The following LRTM3 variants were observed in gnomAD, a reference collection of about 807,000 sequenced individuals.
LRTM3 encodes leucine-rich repeat transmembrane protein 3.
At chr13:102,744,926 C>T in the LRTM3 span, 18 of 1,550,614 alleles carry the variant, frequency 1.2e-5, no homozygotes, top group Non-Finnish European at 1.6e-5. Context: ...CATACATTTC[C>T]TATCAGTTGG....
At chr13:102,742,260 CT>C in the LRTM3 span, 1 of 1,550,448 alleles carries the variant, frequency 6.4e-7, no homozygotes, top group Non-Finnish European at 8.7e-7. Context: ...AGCTGGGAAA[CT>C]GTTATTCTTT....
At chr13:102,733,745 T>C in the LRTM3 span, 8 of 1,551,284 alleles carry the variant, frequency 5.2e-6, no homozygotes, top group East Asian at 2.0e-4. Flanking sequence ...TAAAACTAAC[T>C]GATTCAAATC....
At chr13:102,746,156 A>G in the LRTM3 span, 1 of 1,551,162 alleles carries the variant, frequency 6.4e-7, no homozygotes, top group Non-Finnish European at 8.7e-7. Context: ...TTGGTGCTGC[A>G]AACGTTGTCC....
At chr13:102,750,070 T>C in the LRTM3 span, 1 of 1,550,512 alleles carries the variant, frequency 6.4e-7, no homozygotes, top group Non-Finnish European at 8.7e-7. Context: ...AAGAAAATCC[T>C]GAATTTTTGT....
the LRTM3 span, chr13:102,736,172 G>A: frequency 6.5e-7 from 1 of 1,546,716 alleles, no homozygotes; most frequent in Non-Finnish European, 8.7e-7. Context: ...CTTTGGTTGT[G>A]AAGGAGAGAA....
At chr13:102,730,548 G>T in the LRTM3 span, 1 of 1,551,768 alleles carries the variant, frequency 6.4e-7, no homozygotes, top group Non-Finnish European at 8.7e-7. Context: ...GACTCTGAAA[G>T]AACTTGAGTA....
the LRTM3 span, chr13:102,745,555 C>T: frequency 6.4e-7 from 1 of 1,551,000 alleles, no homozygotes; most frequent in Non-Finnish European, 8.7e-7. Context: ...AAATTGATGG[C>T]TTCTTTGCCT....
chr13:102,755,013 T>A, the LRTM3 span, among the ~76,000 whole-genome samples: 1 of 152,162 alleles, frequency 6.6e-6, no homozygotes, highest in Non-Finnish European at 1.5e-5. Context: ...CAAGCATGCA[T>A]CTATGGGTAA....
the LRTM3 span, chr13:102,747,676 C>A: frequency 6.4e-7 from 1 of 1,551,158 alleles, no homozygotes; most frequent in South Asian, 1.2e-5. Context: ...AGTTCTCTGG[C>A]ATTGTAAGTG....
the LRTM3 span, chr13:102,741,693 T>C: frequency 6.4e-7 from 1 of 1,550,444 alleles, no homozygotes; most frequent in Non-Finnish European, 8.7e-7. Flanking sequence ...AAAAATATAT[T>C]CTGTCCTTTT....
At chr13:102,738,377 T>G in the LRTM3 span, 3 of 1,550,986 alleles carry the variant, frequency 1.9e-6, no homozygotes, top group East Asian at 7.3e-5. Flanking sequence ...AGTGACATAC[T>G]CTGCTTTTTC....
chr13:102,734,716 T>C, the LRTM3 span: 2 of 1,551,258 alleles, frequency 1.3e-6, no homozygotes, highest in Non-Finnish European at 8.7e-7. Flanking sequence ...TTTTAAGTCT[T>C]AGCATTTCAT....
chr13:102,741,102 T>C, the LRTM3 span: 2 of 1,549,974 alleles, frequency 1.3e-6, no homozygotes, highest in Non-Finnish European at 1.7e-6. Context: ...TGATGCAATA[T>C]GCAAGGGAGA....
At chr13:102,749,130 T>C in the LRTM3 span, 2,036 of 1,550,332 alleles carry the variant, frequency 1.3e-3, 2 homozygotes, top group Middle Eastern at 9.5e-3. Context: ...TCAGTGTTAT[T>C]CTTGCATCCT....
At chr13:102,741,206 T>C in the LRTM3 span, 3 of 1,550,056 alleles carry the variant, frequency 1.9e-6, no homozygotes, top group South Asian at 3.6e-5. Context: ...TCTATTTGAT[T>C]TTAATGTAAT....
chr13:102,740,987 G>A, the LRTM3 span: 2,696 of 1,550,014 alleles, frequency 1.7e-3, 35 homozygotes, highest in African/African-American at 0.031. Flanking sequence ...TTGATCCACC[G>A]GAATACCTAC....
chr13:102,744,763 G>T, the LRTM3 span: 2 of 1,550,400 alleles, frequency 1.3e-6, no homozygotes, highest in Non-Finnish European at 1.7e-6. Flanking sequence ...GTACATTCAT[G>T]TTCATTGCAT....
the LRTM3 span, chr13:102,735,391 G>T: frequency 2.6e-6 from 4 of 1,551,254 alleles, no homozygotes; most frequent in Non-Finnish European, 3.5e-6. Context: ...GTGACTGTGG[G>T]AGAGACACTT....
At chr13:102,748,480 T>G in the LRTM3 span, 6 of 1,551,232 alleles carry the variant, frequency 3.9e-6, no homozygotes, top group South Asian at 5.9e-5. Flanking sequence ...GCGTTTTTGG[T>G]GTACTGGTTG....
Sources: gnomAD v4.1 joint callset for allele counts (sites outside exome capture counted in the v4.1 genomes callset) on GRCh38, gnomAD v4.1.1 for gene constraint, MANE v1.5 for transcripts, NCBI Gene and HGNC (gene_info 2026-07-23, HGNC 2026-07-21) for gene names.